OR1L8: variants seen among roughly 807,000 people sequenced by gnomAD.
OR1L8 encodes olfactory receptor family 1 subfamily L member 8.
For missense variants in OR1L8, 330 were observed against 377.4 expected (o/e 0.87, Z 1.04); for synonymous variants, 148 against 147.0 (o/e 1.01, Z -0.05).
chr9:122,576,105 A>G (rs1462342434), intron 3 of OR1L8, among the ~76,000 whole-genome samples: 1 of 152,226 alleles, frequency 6.6e-6, no homozygotes, highest in African/African-American at 2.4e-5. Flanking sequence ...GGCTGAATAA[A>G]TATACATTGC....
At chr9:122,580,469 T>TGTAA (rs1331700095) in intron 1 of OR1L8, among the ~76,000 whole-genome samples, 2 of 152,174 alleles carry the variant, frequency 1.3e-5, no homozygotes, top group African/African-American at 4.8e-5. Flanking sequence ...TCTGTAATAA[T>TGTAA]GTAAGTTTCC....
the OR1L8 span, among the ~76,000 whole-genome samples, chr9:122,557,464 TA>T: frequency 1.3e-5 from 2 of 152,084 alleles, no homozygotes; most frequent in Non-Finnish European, 2.9e-5. Context: ...CTATTTATAT[TA>T]TTATGTAGTT....
the OR1L8 span, chr9:122,553,468 C>T: frequency 6.2e-7 from 1 of 1,614,128 alleles, no homozygotes; most frequent in South Asian, 1.1e-5. Flanking sequence ...AAAATGCTGG[C>T]CAACATTCAT....
the OR1L8 span, among the ~76,000 whole-genome samples, chr9:122,547,620 A>AGTGT: frequency 0.063 from 8,955 of 142,906 alleles, 413 homozygotes; most frequent in East Asian, 0.26. Context: ...GTAGTAGTTC[A>AGTGT]GTGTGTGTGT....
the OR1L8 span, chr9:122,554,137 T>C: frequency 6.2e-7 from 1 of 1,612,422 alleles, no homozygotes; most frequent in Admixed American, 1.7e-5. Flanking sequence ...AAACTTTTTG[T>C]CAGTGGAAAA....
Position 122,568,267 on chromosome 9 carries a change from C to G in OR1L8, c.211G>C (p.Asp71His). The part of the protein sequence containing the change: ...YFFLSFLSLT[D>H]ICFTTSVVPK... ...ACAACGCTTGTTGTAAAGCAAATAT[C>G]AGTGAGAGACAGAAAACTCAAGAAG... is the stretch of plus-strand genomic sequence containing the variant. The change falls in exon 5 of 5, where the codon GAT becomes CAT. Residue 71 changes from aspartate (D) to histidine (H), a missense_variant. Coordinates refer to ENST00000641027, the MANE Select transcript of OR1L8 (RefSeq NM_001004454.2). 6.2e-7 allele frequency: 1 copy of G among 1,614,002 alleles called. No individual in the cohort carries two copies.
the OR1L8 span, among the ~76,000 whole-genome samples, chr9:122,551,382 G>A: frequency 6.6e-6 from 1 of 152,118 alleles, no homozygotes; most frequent in Non-Finnish European, 1.5e-5. Context: ...TGGCTGGTGT[G>A]CTTTATTTAG....
the OR1L8 span, among the ~76,000 whole-genome samples, chr9:122,558,741 A>C: frequency 2.6e-5 from 4 of 151,850 alleles, no homozygotes; most frequent in African/African-American, 4.8e-5. Context: ...TTTGTCCTTT[A>C]AGATTCATGT....
At chr9:122,556,777 T>C in the OR1L8 span, among the ~76,000 whole-genome samples, 65 of 152,332 alleles carry the variant, frequency 4.3e-4, no homozygotes, top group South Asian at 4.1e-3. Context: ...ATTTTGTTGA[T>C]ATCCACAAAG....
chr9:122,552,072 C>CTG, the OR1L8 span, among the ~76,000 whole-genome samples: 6 of 145,792 alleles, frequency 4.1e-5, no homozygotes, highest in South Asian at 2.2e-4. Context: ...CTCTCTCTCT[C>CTG]TCTCTCTCAC....
At chr9:122,553,823 CATGGG>C in the OR1L8 span, 1 of 1,613,966 alleles carries the variant, frequency 6.2e-7, no homozygotes, top group Non-Finnish European at 8.5e-7. Flanking sequence ...TGATCATCAC[CATGGG>C]CTTGCTGTTC....
intron 3 of OR1L8, among the ~76,000 whole-genome samples, chr9:122,573,623 T>C (rs1829590720): frequency 6.6e-6 from 1 of 152,224 alleles, no homozygotes; most frequent in Non-Finnish European, 1.5e-5. Context: ...TTAAGAGTTA[T>C]TTGTGTATTT....
At chr9:122,552,749 AGTGTGTGTGTGTGTGT>A in the OR1L8 span, among the ~76,000 whole-genome samples, 61 of 129,758 alleles carry the variant, frequency 4.7e-4, no homozygotes, top group South Asian at 0.01. Context: ...AGAGGGCTTG[AGTGTGTGTGTGTGTGT>A]GTGTGTGTGT....
At chr9:122,582,853 A>G (rs533019538) in intron 1 of OR1L8, among the ~76,000 whole-genome samples, 28 of 152,304 alleles carry the variant, frequency 1.8e-4, no homozygotes, top group African/African-American at 6.5e-4. Flanking sequence ...ATATGAGAAC[A>G]AAATAAAAAT....
intron 1 of OR1L8, 107 bp downstream of exon 1, chr9:122,583,214 A>T (rs769849952): frequency 6.6e-6 from 1 of 152,082 alleles, no homozygotes; most frequent in Non-Finnish European, 1.5e-5. Flanking sequence ...CAAAACAATC[A>T]GGCAAATCCC....
At chr9:122,554,686 A>G in the OR1L8 span, among the ~76,000 whole-genome samples, 4 of 152,330 alleles carry the variant, frequency 2.6e-5, no homozygotes, top group South Asian at 2.1e-4. Context: ...GAGGATCATG[A>G]CAAGGAAGGT....
rs775763405 is a variant in OR1L8 at position 122,567,958 on chromosome 9, C to T, written c.520G>A (p.Val174Ile). ...AGGTCACAGAGAAAGTGGTGGATAACATTGGAGTCACAGAAGGTGAGACGA... is the reference window on the plus strand; with the variant it reads ...AGGTCACAGAGAAAGTGGTGGATAATATTGGAGTCACAGAAGGTGAGACGA... ...LNRLTFCDSN[V>I]IHHFLCDLSP... Residue 174 changes from valine (V) to isoleucine (I), a missense_variant, in exon 5 of 5, where the codon GTT becomes ATT. Coordinates refer to ENST00000641027, the MANE Select transcript of OR1L8 (RefSeq NM_001004454.2). 30 of 1,613,964 alleles carry T rather than the reference C, an allele frequency of 1.9e-5. No homozygotes were observed. In the South Asian group the frequency reaches 3.3e-4, roughly 18 times the overall value.
chr9:122,546,384 T>C, the OR1L8 span, among the ~76,000 whole-genome samples: 3 of 152,122 alleles, frequency 2.0e-5, no homozygotes, highest in African/African-American at 7.2e-5. Flanking sequence ...GATTCTGGGA[T>C]TTTCATAGGC....
At chr9:122,581,301 G>C (rs1024440315) in intron 1 of OR1L8, among the ~76,000 whole-genome samples, 6 of 152,106 alleles carry the variant, frequency 3.9e-5, no homozygotes, top group Non-Finnish European at 5.9e-5. Context: ...AGGAGGCGGC[G>C]GTTGTAGTGA....
Sources: gnomAD v4.1 joint callset for allele counts (sites outside exome capture counted in the v4.1 genomes callset) on GRCh38, gnomAD v4.1.1 for gene constraint, MANE v1.5 for transcripts, NCBI Gene and HGNC (gene_info 2026-07-23, HGNC 2026-07-21) for gene names.